Variants in KIRREL1 observed in about 807,000 individuals in gnomAD.
KIRREL1 encodes the protein kin of IRRE-like protein 1.
A neutral mutation model predicts 83.3 loss-of-function variants in KIRREL1; 25 were observed. That is an observed-to-expected ratio of 0.30 (90% confidence interval 0.22 to 0.42). KIRREL1 has a LOEUF of 0.42. KIRREL1 is among the 10% of genes least tolerant of loss of function. KIRREL1 has a pLI of 1.00. For missense variants in KIRREL1, 812 were observed against 1,032.3 expected (o/e 0.79, Z 2.92); for synonymous variants, 388 against 410.4 (o/e 0.95, Z 0.66).
Position 158,088,889 on chromosome 1 carries a change from G to C in KIRREL1, c.1044+435G>C, listed in dbSNP as rs554386457. ...ACCTGGGCTATTTCTAGGGTCTTGG[G>C]ATTTGGAGGAGAAAGTGCTTACGGT... is the stretch of plus-strand genomic sequence containing the variant. On this transcript the variant is annotated intron_variant, in intron 8 of 14. Transcript: ENST00000359209. Among the ~76,000 whole-genome samples the C allele has an allele frequency of 5.6e-4, 85 of 152,168 alleles. 1 individual carries two copies. In the South Asian group the frequency reaches 0.017, roughly 30 times the overall value.
chr1:158,031,406 G>C (rs1272436395), intron 1 of KIRREL1, among the ~76,000 whole-genome samples: 1 of 152,090 alleles, frequency 6.6e-6, no homozygotes, highest in East Asian at 1.9e-4. Context: ...TTCCATTCTT[G>C]TGACTGAAAC....
At chr1:158,010,029 C>T (rs757531785) in intron 1 of KIRREL1, among the ~76,000 whole-genome samples, 1 of 152,088 alleles carries the variant, frequency 6.6e-6, no homozygotes, top group African/African-American at 2.4e-5. Flanking sequence ...TGACCTGGGC[C>T]TATTTTCTTA....
intron 1 of KIRREL1, among the ~76,000 whole-genome samples, chr1:158,011,863 G>A (rs566685072): frequency 5.3e-5 from 8 of 152,282 alleles, no homozygotes; most frequent in African/African-American, 9.6e-5. Context: ...TCCCTGGACC[G>A]GGTCCCCTCT....
At chr1:158,009,520 A>G (rs1221606171) in intron 1 of KIRREL1, among the ~76,000 whole-genome samples, 1 of 152,228 alleles carries the variant, frequency 6.6e-6, no homozygotes, top group African/African-American at 2.4e-5. Flanking sequence ...CTTAGCAGAC[A>G]GCACATAAAG....
Position 158,094,809 on chromosome 1 carries a change from CG to C in KIRREL1, c.1967del (p.Gly656AlafsTer182), listed in dbSNP as rs1361681114. ...CTATGCCCAGCTCAACACCTATAGC[CG>C]GGGCCCTGCCTCTGACTATGGCCCT... is the stretch of plus-strand genomic sequence containing the variant. ...SGYAQLNTYS[R>X]GPASDYGPEP... is the part of the protein sequence containing the mutation. On this transcript the variant is annotated frameshift_variant, in exon 15 of 15. Coordinates refer to ENST00000359209, the MANE Select transcript of KIRREL1 (RefSeq NM_018240.7). LOFTEE classifies it high-confidence loss of function. This position sits in a 1 kb window ranked among gnomAD's most constrained non-coding sequence, Gnocchi z 4.6. The C allele has an allele frequency of 1.2e-6, 2 of 1,613,960 alleles. No individual in the cohort carries two copies. The highest frequency in any genetic ancestry group is 1.7e-6 in the Non-Finnish European group (2 of 1,180,000).
chr1:158,074,160 C>T (rs1426709552), intron 1 of KIRREL1, among the ~76,000 whole-genome samples: 2 of 152,180 alleles, frequency 1.3e-5, no homozygotes, highest in African/African-American at 2.4e-5. Flanking sequence ...CCACCCTGAT[C>T]ACTCAAAAGG....
chr1:158,015,859 C>A (rs977529126), intron 1 of KIRREL1, among the ~76,000 whole-genome samples: 6 of 152,148 alleles, frequency 3.9e-5, no homozygotes, highest in Non-Finnish European at 7.3e-5. Flanking sequence ...CCCTGCTTCC[C>A]TAATCTCCAC....
chr1:158,007,273 A>C (rs1002123263), intron 1 of KIRREL1, among the ~76,000 whole-genome samples: 11 of 152,302 alleles, frequency 7.2e-5, no homozygotes, highest in Non-Finnish European at 1.3e-4. Flanking sequence ...AGAAAGAGAC[A>C]CTGGAGCTGG....
At chr1:158,075,574 G>T (rs535734416) in intron 1 of KIRREL1, among the ~76,000 whole-genome samples, 1 of 152,360 alleles carries the variant, frequency 6.6e-6, no homozygotes, top group East Asian at 1.9e-4. Context: ...TGATGTATTC[G>T]TGGAGGAATT....
At chr1:158,014,231 G>C (rs1422927128) in intron 1 of KIRREL1, among the ~76,000 whole-genome samples, 1 of 151,918 alleles carries the variant, frequency 6.6e-6, no homozygotes, top group Non-Finnish European at 1.5e-5. Context: ...GGGAGGAGGG[G>C]GAGGGAAGAG....
chr1:158,022,428 C>T (rs1048825796), intron 1 of KIRREL1, among the ~76,000 whole-genome samples: 2 of 152,196 alleles, frequency 1.3e-5, no homozygotes, highest in African/African-American at 2.4e-5. Context: ...GCAAACTGCC[C>T]AGTGCCACCC....
intron 1 of KIRREL1, among the ~76,000 whole-genome samples, chr1:158,021,661 G>T (rs533034113): frequency 1.3e-5 from 2 of 152,236 alleles, no homozygotes; most frequent in East Asian, 3.9e-4. Context: ...ACAGGTTACA[G>T]GATATATATA....
At chr1:158,038,388 C>T (rs577058462) in intron 1 of KIRREL1, among the ~76,000 whole-genome samples, 16 of 151,086 alleles carry the variant, frequency 1.1e-4, no homozygotes, top group Non-Finnish European at 2.4e-4. Flanking sequence ...TAAACAAGAA[C>T]ATATGGACTG....
At chr1:158,093,228 A>G in intron 11 of KIRREL1, 111 bp from the exon 12 acceptor site, 1 of 846,014 alleles carries the variant, frequency 1.2e-6, no homozygotes, top group South Asian at 1.5e-5. Context: ...TTAGCCCTGT[A>G]CACAAGCCAA....
At chr1:158,013,528 C>T (rs894253915) in intron 1 of KIRREL1, among the ~76,000 whole-genome samples, 6 of 152,214 alleles carry the variant, frequency 3.9e-5, no homozygotes, top group Admixed American at 3.9e-4. Context: ...CCACCCCATG[C>T]CCCACAGTAG....
intron 1 of KIRREL1, among the ~76,000 whole-genome samples, chr1:158,064,678 A>G (rs1036226113): frequency 2.0e-5 from 3 of 152,150 alleles, no homozygotes; most frequent in Non-Finnish European, 4.4e-5. Context: ...GTTAATGTCT[A>G]TCCTAGGGCT....
At chr1:158,071,533 A>ACTGG (rs1234999396) in intron 1 of KIRREL1, among the ~76,000 whole-genome samples, 1 of 152,200 alleles carries the variant, frequency 6.6e-6, no homozygotes, top group Non-Finnish European at 1.5e-5. Context: ...GCAGAATCTC[A>ACTGG]CTGGCTGGCC....
At chr1:158,039,931 T>A (rs1660579947) in intron 1 of KIRREL1, among the ~76,000 whole-genome samples, 2 of 152,216 alleles carry the variant, frequency 1.3e-5, no homozygotes, top group African/African-American at 4.8e-5. Flanking sequence ...ATGTGTTTGG[T>A]TTTTTGTTTT....
At position 157,994,174 on chromosome 1, in the gene KIRREL1, C is replaced by T. The variant is rs570804031; in HGVS notation, c.52+446C>T. On this transcript the variant is annotated intron_variant, in intron 1 of 14. Coordinates refer to ENST00000359209, the MANE Select transcript of KIRREL1 (RefSeq NM_018240.7). ...GGGTGAGCGAAAAGCTGGGTCCCACCTCCCGAAGATGTTGCCAAGGGGATC... is the reference window on the plus strand; with the variant it reads ...GGGTGAGCGAAAAGCTGGGTCCCACTTCCCGAAGATGTTGCCAAGGGGATC... Among the ~76,000 whole-genome samples, 400 of 152,296 alleles carry T rather than the reference C, an allele frequency of 2.6e-3. 8 individuals are homozygous for T. The highest frequency in any genetic ancestry group is 3.5e-4 in the Non-Finnish European group (24 of 68,018).
Sources: allele counts gnomAD v4.1 joint callset (sites outside exome capture counted in the v4.1 genomes callset), GRCh38; gene constraint gnomAD v4.1.1; non-coding constraint Gnocchi (gnomAD v3.1); transcripts MANE v1.5; gene names NCBI Gene and HGNC (gene_info 2026-07-23, HGNC 2026-07-21).